Variants in ZNF710 observed in about 807,000 individuals in gnomAD.
ZNF710 encodes the protein zinc finger protein 710.
In ZNF710, 13 loss-of-function variants were observed where a neutral mutation model predicts 50.6. The ratio of observed to expected loss-of-function variants is 0.26; its 90% CI spans 0.17 to 0.41. The LOEUF is 0.41. ZNF710 is among the 10% of genes least tolerant of loss of function. ZNF710 has a pLI of 1.00. For missense variants in ZNF710, 721 were observed against 936.6 expected, an observed-to-expected ratio of 0.77 and a Z score of 3.01; for synonymous variants, 383 against 397.0, an observed-to-expected ratio of 0.96 and a Z score of 0.42.
At chr15:90,072,201 G>A (rs889078886) in intron 2 of ZNF710, among the ~76,000 whole-genome samples, 4 of 152,170 alleles carry the variant, frequency 2.6e-5, no homozygotes, top group Admixed American at 6.5e-5. Flanking sequence ...CCTCCAAACC[G>A]TAGAAAAGAA....
chr15:90,077,074 AG>A (rs1900607672), intron 4 of ZNF710, among the ~76,000 whole-genome samples: 1 of 152,154 alleles, frequency 6.6e-6, no homozygotes, highest in Non-Finnish European at 1.5e-5. Flanking sequence ...CATTCTAGAC[AG>A]AACGATCTAG....
At chr15:90,016,550 T>C (rs1225060521) in intron 1 of ZNF710, among the ~76,000 whole-genome samples, 1 of 152,190 alleles carries the variant, frequency 6.6e-6, no homozygotes, top group Non-Finnish European at 1.5e-5. Flanking sequence ...CAAGTGATCC[T>C]CCTGCCTCGG....
At chr15:90,060,619 C>T (rs987205718) in intron 1 of ZNF710, among the ~76,000 whole-genome samples, 3 of 152,174 alleles carry the variant, frequency 2.0e-5, no homozygotes, top group Admixed American at 6.5e-5. Flanking sequence ...TCTGGGAGGA[C>T]GAGGCAGGTG....
chr15:90,045,490 C>A, intron 1 of ZNF710: 1 of 804,866 alleles, frequency 1.2e-6, no homozygotes, highest in Non-Finnish European at 1.5e-6. Context: ...GATGGTTTCT[C>A]TGAGGGAGTC....
At chr15:90,031,823 G>C (rs2151485432) in intron 1 of ZNF710, among the ~76,000 whole-genome samples, 1 of 152,278 alleles carries the variant, frequency 6.6e-6, no homozygotes, top group East Asian at 1.9e-4. Flanking sequence ...ATACCCTCAG[G>C]TATTCCTAGG....
At chr15:90,004,671 A>C (rs896474310) in intron 1 of ZNF710, among the ~76,000 whole-genome samples, 1 of 152,302 alleles carries the variant, frequency 6.6e-6, no homozygotes, top group South Asian at 2.1e-4. Flanking sequence ...CAGAGCCAGC[A>C]CTCAACCTGA....
chr15:90,016,921 G>A (rs1898473832), intron 1 of ZNF710, among the ~76,000 whole-genome samples: 1 of 152,328 alleles, frequency 6.6e-6, no homozygotes, highest in South Asian at 2.1e-4. Context: ...CAGACACTTC[G>A]AGGAGGATTA....
At chr15:90,001,885 G>A (rs1184385651) in intron 1 of ZNF710, among the ~76,000 whole-genome samples, 1 of 141,256 alleles carries the variant, frequency 7.1e-6, no homozygotes, top group African/African-American at 2.6e-5. Flanking sequence ...GTCTGGGGTG[G>A]GGGGGAGGGA....
At chr15:90,030,127 C>T (rs1289576601) in intron 1 of ZNF710, among the ~76,000 whole-genome samples, 6 of 150,166 alleles carry the variant, frequency 4.0e-5, no homozygotes, top group Non-Finnish European at 8.9e-5. Context: ...GTCAGGAGTT[C>T]GAGACCAGCC....
At chr15:90,071,511 C>T (rs545269942) in intron 2 of ZNF710, among the ~76,000 whole-genome samples, 6 of 152,052 alleles carry the variant, frequency 3.9e-5, no homozygotes, top group South Asian at 2.1e-4. Context: ...GACATAGACA[C>T]GGGAACCATT....
At chr15:90,058,728 T>TATATATATATATATATATGTACATGTAC (rs1555458604) in intron 1 of ZNF710, among the ~76,000 whole-genome samples, 1 of 145,936 alleles carries the variant, frequency 6.9e-6, no homozygotes, top group African/African-American at 2.7e-5. Flanking sequence ...TACACACATA[T>TATATATATATATATATATGTACATGTAC]ACACACACAC....
intron 1 of ZNF710, among the ~76,000 whole-genome samples, chr15:90,007,443 G>C (rs1037661935): frequency 2.6e-5 from 4 of 152,044 alleles, no homozygotes; most frequent in Non-Finnish European, 5.9e-5. Flanking sequence ...AGGGGTACTT[G>C]AAACTGTGCA....
chr15:90,072,200 C>G (rs191154228), intron 2 of ZNF710, among the ~76,000 whole-genome samples: 3 of 152,302 alleles, frequency 2.0e-5, no homozygotes, highest in East Asian at 1.9e-4. Context: ...ACCTCCAAAC[C>G]GTAGAAAAGA....
At chr15:90,073,821 T>C (rs780183977) in intron 3 of ZNF710, among the ~76,000 whole-genome samples, 5 of 151,816 alleles carry the variant, frequency 3.3e-5, no homozygotes, top group Non-Finnish European at 5.9e-5. Context: ...AAACCCCTTC[T>C]CTACTAAACA....
chr15:90,068,314 G>A lies in ZNF710; in HGVS notation c.1177G>A (p.Glu393Lys), dbSNP rs1900259136. 1.2e-6 allele frequency: 2 copies of A among 1,612,982 alleles called. No homozygotes were observed. The highest frequency in any genetic ancestry group is 8.5e-7 in the Non-Finnish European group (1 of 1,179,996). ...CGGCCGCGGCTTCGCCTACCCCAGC[G>A]AGCTCAAGGCCCACGAAGTGAAGCA... ...FCGRGFAYPS[E>K]LKAHEVKHES... Residue 393 changes from glutamate (E) to lysine (K), a missense_variant, in exon 2 of 5, where the codon GAG becomes AAG. By Grantham distance (56) the Glu-to-Lys change is moderately conservative. Coordinates refer to ENST00000268154, the MANE Select transcript of ZNF710 (RefSeq NM_198526.4). This position sits in a 1 kb window ranked among gnomAD's most constrained non-coding sequence, Gnocchi z 5.0.
At chr15:90,065,462 T>A (rs1900138765) in intron 1 of ZNF710, among the ~76,000 whole-genome samples, 1 of 152,142 alleles carries the variant, frequency 6.6e-6, no homozygotes, top group Non-Finnish European at 1.5e-5. Context: ...CGTGCTGCAG[T>A]CCTTGGAAGC....
At chr15:90,049,026 G>A (rs1899555488) in intron 1 of ZNF710, among the ~76,000 whole-genome samples, 1 of 152,180 alleles carries the variant, frequency 6.6e-6, no homozygotes, top group South Asian at 2.1e-4. Flanking sequence ...ACTCCTTCAT[G>A]GGATTTAGAT....
At chr15:90,023,508 C>T (rs1898682728) in intron 1 of ZNF710, among the ~76,000 whole-genome samples, 1 of 152,178 alleles carries the variant, frequency 6.6e-6, no homozygotes, top group African/African-American at 2.4e-5. Flanking sequence ...TAGGTGGCAT[C>T]AAATTGAACA....
At position 90,079,727 on chromosome 15, in the gene ZNF710, CGAG is replaced by C. The variant is rs756000414; in HGVS notation, c.1897_1899del (p.Glu633del). 5 of 1,613,902 alleles carry C rather than the reference CGAG, an allele frequency of 3.1e-6. No individual in the cohort carries two copies. The South Asian group carries it at 3.3e-5, about 11-fold the overall frequency. ...ACGGCCAGCAGGAGATGGAGGACTT[CGAG>C]GAGAACGCCTACAGCTATGCGAGCG... On this transcript the variant is annotated inframe_deletion, in exon 5 of 5. Coordinates refer to ENST00000268154, the MANE Select transcript of ZNF710 (RefSeq NM_198526.4).
Sources: allele counts gnomAD v4.1 joint callset (sites outside exome capture counted in the v4.1 genomes callset), GRCh38; gene constraint gnomAD v4.1.1; non-coding constraint Gnocchi (gnomAD v3.1); transcripts MANE v1.5; gene names NCBI Gene and HGNC (gene_info 2026-07-23, HGNC 2026-07-21).